The following PCDHA6 variants were observed in gnomAD, a reference collection of about 807,000 sequenced individuals.
PCDHA6 encodes the protein protocadherin alpha-6.
In PCDHA6, 55 loss-of-function variants were observed where a neutral mutation model predicts 60.3. The observed-to-expected ratio is 0.91, with a 90% CI of 0.73 to 1.14. The LOEUF (loss-of-function observed/expected upper bound fraction) is 1.14, where lower values mean the gene tolerates loss of function less well. Ranked by LOEUF, PCDHA6 falls within the 50% of genes most tolerant of loss-of-function variation. The probability of loss-of-function intolerance (pLI) is 0.00; values close to 1 mark genes in which losing one functional copy is unlikely to be tolerated. For missense variants in PCDHA6, 1,327 were observed against 1,256.5 expected, an observed-to-expected ratio of 1.06 and a Z score of -0.85; for synonymous variants, 652 against 557.9, an observed-to-expected ratio of 1.17 and a Z score of -2.38.
rs2098417657 is a variant in PCDHA6, at chr5:141,010,566, C to T, written c.*629C>T. 3.4e-6 allele frequency: 1 copy of T among 290,180 alleles called. No individual in the cohort carries two copies. The highest frequency in any genetic ancestry group is 6.5e-6 in the Non-Finnish European group (1 of 154,226). The allele number at this position is 290,180 out of a possible 1,614,324, so 18.0% of individuals were successfully genotyped here. ...GACAAAACTACCCCCACTGACAAGG[C>T]TTTAGGAGACCCTAAAGTCTGTTGG... On this transcript the variant is annotated 3_prime_UTR_variant, in exon 4 of 4. Coordinates refer to ENST00000529310, the MANE Select transcript of PCDHA6 (RefSeq NM_018909.4).
At chr5:140,873,452 C>G (rs147398020) in intron 1 of PCDHA6, among the ~76,000 whole-genome samples, 1 of 152,006 alleles carries the variant, frequency 6.6e-6, no homozygotes, top group South Asian at 2.1e-4. Context: ...AACAAATTTG[C>G]ATTTTAGATA....
intron 1 of PCDHA6, chr5:140,875,768 G>C (rs997656321): frequency 6.2e-7 from 1 of 1,614,144 alleles, no homozygotes; most frequent in African/African-American, 1.3e-5. Flanking sequence ...TGCGGGCGGA[G>C]CGCGGAGTGC....
intron 1 of PCDHA6, among the ~76,000 whole-genome samples, chr5:140,939,155 G>C (rs1279259680): frequency 6.6e-6 from 1 of 152,196 alleles, no homozygotes; most frequent in Non-Finnish European, 1.5e-5. Flanking sequence ...GGTCCTGGCA[G>C]ATTTGTGTCT....
chr5:140,859,825 T>A (rs752840072), intron 1 of PCDHA6: 18 of 152,366 alleles, frequency 1.2e-4, no homozygotes, highest in Non-Finnish European at 2.3e-4. Context: ...AGTTTAGAAG[T>A]GTATTTGTTA....
At chr5:140,908,013 G>A (rs2073743163) in intron 1 of PCDHA6, among the ~76,000 whole-genome samples, 1 of 152,070 alleles carries the variant, frequency 6.6e-6, no homozygotes, top group Non-Finnish European at 1.5e-5. Context: ...CAAACCACTG[G>A]CTACAGCCCA....
intron 1 of PCDHA6, chr5:140,929,567 A>G (rs566554100): frequency 7.2e-5 from 33 of 456,594 alleles, no homozygotes; most frequent in Admixed American, 1.2e-4. Flanking sequence ...ATTTAAGAAC[A>G]ATAAAAGTAA....
chr5:141,001,448 G>A (rs1465333650), intron 3 of PCDHA6, among the ~76,000 whole-genome samples: 1 of 152,190 alleles, frequency 6.6e-6, no homozygotes, highest in Non-Finnish European at 1.5e-5. Context: ...TCTTTCCACT[G>A]TCAATTGAAG....
In PCDHA6 at chr5:140,950,226, T is replaced by A. The variant is rs1478539445; in HGVS notation, c.2395-28723T>A. ...TGTTTACCTAGTCATTTACCATTTC[T>A]AGTGCCATTAATTTGTTCCTAAAGA... On this transcript the variant is annotated intron_variant, in intron 1 of 3. Coordinates refer to ENST00000529310, the MANE Select transcript of PCDHA6 (RefSeq NM_018909.4). 5.9e-5 allele frequency among the ~76,000 whole-genome samples: 9 copies of A among 152,018 alleles called. No homozygotes were observed. The East Asian group carries it at 1.7e-3, about 29-fold the overall frequency.
intron 1 of PCDHA6, chr5:140,854,600 AT>A (rs2043170892): frequency 6.7e-6 from 1 of 150,110 alleles, no homozygotes; most frequent in African/African-American, 2.4e-5. Context: ...GTTTAAAGTA[AT>A]TGACACATTT....
chr5:140,853,133 C>T (rs1646376725), intron 1 of PCDHA6: 1 of 642,274 alleles, frequency 1.6e-6, no homozygotes, highest in Non-Finnish European at 2.0e-6. Flanking sequence ...CCCGCCTCAG[C>T]CTCCCAAAAT....
rs782453395 is a variant in PCDHA6 at position 140,875,890 on chromosome 5, G to A, written c.2394+45405G>A. 2.4e-5 allele frequency: 38 copies of A among 1,614,180 alleles called. No homozygotes were observed. The South Asian group carries it at 4.1e-4, about 17-fold the overall frequency. On this transcript the variant is annotated intron_variant, in intron 1 of 3. Coordinates refer to ENST00000529310, the MANE Select transcript of PCDHA6 (RefSeq NM_018909.4). Reference sequence around the variant, plus strand: ...GGTGTTCAGAGAAAGGGAACAAAAGGTACCTGTTTCTGAATCTGCGCCTCT... The same window carrying A: ...GGTGTTCAGAGAAAGGGAACAAAAGATACCTGTTTCTGAATCTGCGCCTCT...
At chr5:141,007,395 CAAAAAAAAAAAA>C (rs35800918) in intron 3 of PCDHA6, among the ~76,000 whole-genome samples, 1 of 94,866 alleles carries the variant, frequency 1.1e-5, no homozygotes, top group Non-Finnish European at 2.1e-5. Flanking sequence ...TACTAAAATA[CAAAAAAAAAAAA>C]AAAAAAAAAA....
rs782163702 is a variant in PCDHA6, at chr5:140,979,042, C to G, written c.2453+35C>G. 3.1e-6 allele frequency: 5 copies of G among 1,612,562 alleles called. No individual in the cohort carries two copies. The South Asian group carries it at 4.4e-5, about 14-fold the overall frequency. Reference sequence around the variant, plus strand: ...TCCCTCCTCATTCACTCAGAAGTAACCTTAACTTGGTATGGCTCAGATAAA... The same window carrying G: ...TCCCTCCTCATTCACTCAGAAGTAAGCTTAACTTGGTATGGCTCAGATAAA... On this transcript the variant is annotated intron_variant, in intron 2 of 3. Coordinates refer to ENST00000529310, the MANE Select transcript of PCDHA6 (RefSeq NM_018909.4).
chr5:140,857,694 C>G (rs1554150531), intron 1 of PCDHA6: 3 of 1,597,142 alleles, frequency 1.9e-6, no homozygotes, highest in South Asian at 1.1e-5. Context: ...AGCAACTTGA[C>G]GCTGCAGGTG....
chr5:140,836,071 C>T lies in PCDHA6; in HGVS notation c.2394+5586C>T, dbSNP rs2150251957. 10 of 1,613,504 alleles carry T rather than the reference C, an allele frequency of 6.2e-6. No homozygotes were observed. The East Asian group carries it at 1.8e-4, about 29-fold the overall frequency. The stretch of plus-strand genomic sequence containing the variant: ...GTGCTGGACGAGAACGACAACGCGC[C>T]GGCACTGCTGGCGCCTCGGGTGGGT... On this transcript the variant is annotated intron_variant, in intron 1 of 3. Transcript: ENST00000529310.
intron 1 of PCDHA6, among the ~76,000 whole-genome samples, chr5:140,924,027 G>T (rs1458552046): frequency 1.3e-5 from 2 of 152,194 alleles, no homozygotes; most frequent in Non-Finnish European, 2.9e-5. Context: ...TTGGAGGCAT[G>T]GCTGCAGACC....
intron 1 of PCDHA6, chr5:140,928,544 A>G (rs1554205985): frequency 3.1e-6 from 5 of 1,614,062 alleles, no homozygotes; most frequent in Middle Eastern, 1.6e-4. Flanking sequence ...AGGAATGACA[A>G]TTATCCGGTT....
chr5:140,969,642 A>G (rs2096350693), intron 1 of PCDHA6: 1 of 206,874 alleles, frequency 4.8e-6, no homozygotes, highest in African/African-American at 2.4e-5. Context: ...GCCTTGGAAT[A>G]GGGATTATGT....
intron 1 of PCDHA6, chr5:140,927,767 A>G (rs2084615997): frequency 6.2e-7 from 1 of 1,614,176 alleles, no homozygotes. Context: ...AAAAGTGGGG[A>G]GGTGCAAGTA....
Sources: gnomAD v4.1 joint callset for allele counts (sites outside exome capture counted in the v4.1 genomes callset) on GRCh38, gnomAD v4.1.1 for gene constraint, MANE v1.5 for transcripts, NCBI Gene and HGNC (gene_info 2026-07-23, HGNC 2026-07-21) for gene names.